Variants in CBR1 observed in about 807,000 individuals in gnomAD.
CBR1 encodes the protein carbonyl reductase 1.
Under a neutral mutation model 10.6 loss-of-function variants are expected in CBR1, and 11 were observed. The ratio of observed to expected loss-of-function variants is 1.03; its 90% confidence interval spans 0.65 to 1.71. The LOEUF is 1.71. CBR1 is among the 40% of genes most tolerant of loss of function. The pLI is 0.00. For synonymous variants in CBR1, 158 were observed against 156.7 expected, an observed-to-expected ratio of 1.01 and a Z score of -0.06; for missense variants, 361 against 368.6, an observed-to-expected ratio of 0.98 and a Z score of 0.17.
rs1474695280 is a variant in CBR1, at chr21:36,072,305, T to C, written c.398-141T>C. 1.9e-6 allele frequency: 3 copies of C among 1,562,432 alleles called. No homozygotes were observed. The East Asian group carries it at 7.1e-5, about 37-fold the overall frequency. On this transcript the variant is annotated intron_variant, in intron 2 of 2. Transcript: ENST00000290349. ...CATGCAACTACCACCACACTTTCTATGCGTATTCCTCTTAGAACTCATACC... is the reference window on the plus strand; with the variant it reads ...CATGCAACTACCACCACACTTTCTACGCGTATTCCTCTTAGAACTCATACC...
Position 36,070,152 on chromosome 21 carries a change from G to C in CBR1, c.37G>C (p.Gly13Arg). The change falls in exon 1 of 3, where the codon GGC (glycine) becomes CGC (arginine). Residue 13 changes from glycine to arginine, a missense_variant. Transcript: ENST00000290349. The part of the protein sequence containing the change: ...SGIHVALVTG[G>R]NKGIGLAIVR... ...CATCCATGTAGCGCTGGTGACTGGAGGCAACAAGGGCATCGGCTTGGCCAT... is the reference window on the plus strand; with the variant it reads ...CATCCATGTAGCGCTGGTGACTGGACGCAACAAGGGCATCGGCTTGGCCAT... 1 of 1,573,016 alleles carries C rather than the reference G, an allele frequency of 6.4e-7. No individual in the cohort carries two copies. The highest frequency in any genetic ancestry group is 8.6e-7 in the Non-Finnish European group (1 of 1,160,264).
chr21:36,071,011 T>C lies in CBR1; in HGVS notation c.351T>C (p.Gly117=), dbSNP rs1392535535. 1.9e-6 allele frequency: 3 copies of C among 1,613,852 alleles called. No individual in the cohort carries two copies. Among genetic ancestry groups the C allele is most frequent in the Non-Finnish European group, 2.5e-6 (3 of 1,179,898 alleles). ...AEVTMKTNFF[G]TRDVCTELLP... ...TGACGATGAAAACAAATTTCTTTGG[T>C]ACCCGAGATGTGTGCACAGAATTAC... The change falls in exon 2 of 3, where the codon GGT becomes GGC. Residue 117 remains glycine (G), a synonymous_variant. Transcript: ENST00000290349.
intron 1 of CBR1, 150 bp downstream of exon 1, chr21:36,070,554 C>A: frequency 1.3e-6 from 1 of 745,466 alleles, no homozygotes. Flanking sequence ...GAGAGTTTTC[C>A]AGCCAAAGGG....
In CBR1 at chr21:36,072,684, G is replaced by C. The variant is rs1351889084; in HGVS notation, c.636G>C (p.Leu212=). Residue 212 remains leucine, a synonymous_variant, in exon 3 of 3, where the codon CTG becomes CTC. Coordinates refer to ENST00000290349, the MANE Select transcript of CBR1 (RefSeq NM_001757.4). ...TVLSRIHARK[L]SEQRKGDKIL... is the part of the protein sequence containing the mutation. Reference sequence around the variant, plus strand: ...TGTCCAGGATCCACGCCAGGAAACTGAGTGAGCAGAGGAAAGGGGACAAGA... The same window carrying C: ...TGTCCAGGATCCACGCCAGGAAACTCAGTGAGCAGAGGAAAGGGGACAAGA... The C allele has an allele frequency of 6.2e-6, 10 of 1,614,138 alleles. No homozygotes were observed. The highest frequency in any genetic ancestry group is 8.5e-6 in the Non-Finnish European group (10 of 1,180,020).
chr21:36,070,545 A>G (rs1218122105), intron 1 of CBR1, 141 bp downstream of exon 1: 2 of 794,804 alleles, frequency 2.5e-6, no homozygotes, highest in Non-Finnish European at 3.7e-6. Flanking sequence ...GGAGAAAGTG[A>G]GAGTTTTCCA....
chr21:36,070,323 A>G lies in CBR1; in HGVS notation c.208A>G (p.Ile70Val). Residue 70 changes from isoleucine (I) to valine (V), a missense_variant, in exon 1 of 3, where the codon ATC becomes GTC. Physicochemically the swap from Ile to Val is conservative, Grantham distance 29. Coordinates refer to ENST00000290349, the MANE Select transcript of CBR1 (RefSeq NM_001757.4). ...HQLDIDDLQS[I>V]RALRDFLRKE... ...GCTGGACATCGACGATCTGCAGAGC[A>G]TCCGCGCCCTGCGCGACTTCCTGCG... 1.2e-6 allele frequency: 2 copies of G among 1,613,364 alleles called. No homozygotes were observed. The highest frequency in any genetic ancestry group is 1.7e-6 in the Non-Finnish European group (2 of 1,179,972).
chr21:36,070,061 C>T lies in CBR1; in HGVS notation c.-55C>T, dbSNP rs2065336562. ...TCTCTGGAACACGCTGCGGGGCTCC[C>T]GGGCCTGAGCCAGGTCTGTTCTCCA... On this transcript the variant is annotated 5_prime_UTR_variant, in exon 1 of 3. Coordinates refer to ENST00000290349, the MANE Select transcript of CBR1 (RefSeq NM_001757.4). 2 of 1,439,848 alleles carry T rather than the reference C, an allele frequency of 1.4e-6. No homozygotes were observed. Among genetic ancestry groups the T allele is most frequent in the Admixed American group, 2.9e-5 (1 of 34,300 alleles). The allele number at this position is 1,439,848 out of a possible 1,614,324, so 89.2% of individuals were successfully genotyped here.
In CBR1 at chr21:36,070,250, G is replaced by T; in HGVS notation, c.135G>T (p.Ala45=). ...CGCGGGACGTGACGCGGGGCCAGGCGGCCGTACAGCAGCTGCAGGCGGAGG... is the reference window on the plus strand; with the variant it reads ...CGCGGGACGTGACGCGGGGCCAGGCTGCCGTACAGCAGCTGCAGGCGGAGG... The part of the protein sequence containing the change: ...LTARDVTRGQ[A]AVQQLQAEGL... The change falls in exon 1 of 3, where the codon GCG becomes GCT. Residue 45 remains alanine (A), a synonymous_variant. Coordinates refer to ENST00000290349, the MANE Select transcript of CBR1 (RefSeq NM_001757.4). 1 of 1,611,164 alleles carries T rather than the reference G, an allele frequency of 6.2e-7. No homozygotes were observed. Among genetic ancestry groups the T allele is most frequent in the East Asian group, 2.2e-5 (1 of 44,850 alleles).
At position 36,070,381 on chromosome 21, in the gene CBR1, A is replaced by G. The variant is rs776688059; in HGVS notation, c.266A>G (p.Asn89Ser). 5 of 1,609,066 alleles carry G rather than the reference A, an allele frequency of 3.1e-6. No individual in the cohort carries two copies. The South Asian group carries it at 3.3e-5, about 11-fold the overall frequency. Residue 89 changes from asparagine (N) to serine (S), a missense_variant, in exon 1 of 3, where the codon AAC becomes AGC. Physicochemically the swap from Asn to Ser is conservative, Grantham distance 46. Coordinates refer to ENST00000290349, the MANE Select transcript of CBR1 (RefSeq NM_001757.4). Reference protein sequence around the residue: ...KEYGGLDVLVNNAGIAFKVAD... With the variant: ...KEYGGLDVLVSNAGIAFKVAD... ...TACGGGGGCCTGGACGTGCTGGTCA[A>G]CAACGCGGGCATCGCCTTCAAGGGT...
At position 36,070,150 on chromosome 21, in the gene CBR1, G is replaced by C; in HGVS notation, c.35G>C (p.Gly12Ala). 1 of 1,571,714 alleles carries C rather than the reference G, an allele frequency of 6.4e-7. No homozygotes were observed. Residue 12 changes from glycine (G) to alanine (A), a missense_variant, in exon 1 of 3, where the codon GGA becomes GCA. Coordinates refer to ENST00000290349, the MANE Select transcript of CBR1 (RefSeq NM_001757.4). ...GGCATCCATGTAGCGCTGGTGACTG[G>C]AGGCAACAAGGGCATCGGCTTGGCC... Reference protein sequence around the residue: ...SSGIHVALVTGGNKGIGLAIV... With the variant: ...SSGIHVALVTAGNKGIGLAIV...
intron 1 of CBR1, 72 bp from the exon 2 acceptor site, chr21:36,070,878 T>TTAGTA: frequency 2.2e-6 from 2 of 901,762 alleles, no homozygotes; most frequent in Non-Finnish European, 1.7e-6. Flanking sequence ...TTTTTTTTTT[T>TTAGTA]TTAGTATCAT....
Position 36,072,730 on chromosome 21 carries a change from C to T in CBR1, c.682C>T (p.Pro228Ser). Residue 228 changes from proline (P) to serine (S), a missense_variant, in exon 3 of 3, where the codon CCA becomes TCA. Physicochemically the swap from Pro to Ser is moderately conservative, Grantham distance 74 (BLOSUM62 -1). Coordinates refer to ENST00000290349, the MANE Select transcript of CBR1 (RefSeq NM_001757.4). ...GDKILLNACC[P>S]GWVRTDMAGP... ...CAAGATCCTCCTGAATGCCTGCTGC[C>T]CAGGGTGGGTGAGAACTGACATGGC... is the stretch of plus-strand genomic sequence containing the variant. 6.2e-7 allele frequency: 1 copy of T among 1,614,106 alleles called. No homozygotes were observed. Among genetic ancestry groups the T allele is most frequent in the South Asian group, 1.1e-5 (1 of 91,070 alleles).
chr21:36,070,406 T>C lies in CBR1; in HGVS notation c.289+2T>C. On this transcript the variant is annotated splice_donor_variant, in intron 1 of 2. Transcript: ENST00000290349. LOFTEE classifies it high-confidence loss of function. ...ACAACGCGGGCATCGCCTTCAAGGG[T>C]ATGGGGAGGGGACGTGGCCTCCCCG... 6.3e-7 allele frequency: 1 copy of C among 1,592,900 alleles called. No homozygotes were observed.
rs922649833 is a variant in CBR1 at position 36,073,126 on chromosome 21, A to G, written c.*244A>G. 7 of 404,558 alleles carry G rather than the reference A, an allele frequency of 1.7e-5. No individual in the cohort carries two copies. The highest frequency in any genetic ancestry group is 1.4e-4 in the African/African-American group (7 of 49,142). 25.1% of individuals were successfully genotyped at this position (404,558 alleles called of 1,614,324 possible). A position where few individuals can be genotyped will look rare whatever the true frequency, so the allele number is the denominator to read the frequency against. ...AAATTGTAATTGATGAAAATAATGA[A>G]TGAAAATCAACAGATGAATAAATGG... On this transcript the variant is annotated 3_prime_UTR_variant, in exon 3 of 3. Coordinates refer to ENST00000290349, the MANE Select transcript of CBR1 (RefSeq NM_001757.4).
In CBR1 at chr21:36,073,050, C is replaced by T. The variant is rs556184158; in HGVS notation, c.*168C>T. On this transcript the variant is annotated 3_prime_UTR_variant, in exon 3 of 3. Coordinates refer to ENST00000290349, the MANE Select transcript of CBR1 (RefSeq NM_001757.4). Reference sequence around the variant, plus strand: ...TTGAGCAACCTACGCACTCAGTTGACTACGTAAATCTGTCAGGTCTTTTGT... The same window carrying T: ...TTGAGCAACCTACGCACTCAGTTGATTACGTAAATCTGTCAGGTCTTTTGT... The T allele has an allele frequency of 2.1e-6, 1 of 468,958 alleles. No individual in the cohort carries two copies. The highest frequency in any genetic ancestry group is 3.2e-5 in the East Asian group (1 of 31,160). 29.0% of individuals were successfully genotyped at this position (468,958 alleles called of 1,614,324 possible).
At chr21:36,072,337 T>C (rs750689007) in intron 2 of CBR1, 109 bp from the exon 3 acceptor site, 1 of 1,598,116 alleles carries the variant, frequency 6.3e-7, no homozygotes, top group Admixed American at 1.7e-5. Context: ...TACCAGTAAC[T>C]GTCTCTCATA....
At chr21:36,072,276 T>A (rs1265843276) in intron 2 of CBR1, 170 bp from the exon 3 acceptor site, 10 of 1,551,426 alleles carry the variant, frequency 6.4e-6, no homozygotes, top group Non-Finnish European at 8.7e-6. Flanking sequence ...GGAATGAACT[T>A]CTTCATGCAA....
chr21:36,072,728 G>A lies in CBR1; in HGVS notation c.680G>A (p.Cys227Tyr). The A allele has an allele frequency of 6.2e-7, 1 of 1,614,190 alleles. No homozygotes were observed. Among genetic ancestry groups the A allele is most frequent in the Non-Finnish European group, 8.5e-7 (1 of 1,180,040 alleles). ...GACAAGATCCTCCTGAATGCCTGCT[G>A]CCCAGGGTGGGTGAGAACTGACATG... is the stretch of plus-strand genomic sequence containing the variant. ...KGDKILLNAC[C>Y]PGWVRTDMAG... Residue 227 changes from cysteine (C) to tyrosine (Y), a missense_variant, in exon 3 of 3, where the codon TGC becomes TAC. Coordinates refer to ENST00000290349, the MANE Select transcript of CBR1 (RefSeq NM_001757.4).
At position 36,070,204 on chromosome 21, in the gene CBR1, CG is replaced by C; in HGVS notation, c.94del (p.Asp32ThrfsTer9). The C allele has an allele frequency of 6.2e-7, 1 of 1,607,780 alleles. No individual in the cohort carries two copies. ...AIVRDLCRLF[S>X]GDVVLTARDV... Reference sequence around the variant, plus strand: ...GTGCGCGACCTGTGCCGGCTGTTCTCGGGGGACGTGGTGCTCACGGCGCGGG... The same window carrying C: ...GTGCGCGACCTGTGCCGGCTGTTCTCGGGGACGTGGTGCTCACGGCGCGGG... On this transcript the variant is annotated frameshift_variant, in exon 1 of 3. Coordinates refer to ENST00000290349, the MANE Select transcript of CBR1 (RefSeq NM_001757.4). LOFTEE classifies it high-confidence loss of function.
Sources: allele counts gnomAD v4.1 joint callset, GRCh38; gene constraint gnomAD v4.1.1; transcripts MANE v1.5; gene names NCBI Gene and HGNC (gene_info 2026-07-23, HGNC 2026-07-21).